The following PEBP4 variants were observed in gnomAD, a reference collection of about 807,000 sequenced individuals.
The protein encoded by PEBP4 is phosphatidylethanolamine binding protein 4, also known as phosphatidylethanolamine-binding protein 4.
In PEBP4, 22 loss-of-function variants were observed where a neutral mutation model predicts 23.9. The ratio of observed to expected loss-of-function variants is 0.92; its 90% CI spans 0.66 to 1.31. The LOEUF (loss-of-function observed/expected upper bound fraction) is 1.31, where lower values mean the gene tolerates loss of function less well. PEBP4 is among the 40% of genes most tolerant of loss of function. PEBP4 has a pLI of 0.00. For missense variants in PEBP4, 324 were observed against 281.7 expected (o/e 1.15, Z -1.07); for synonymous variants, 112 against 99.3 (o/e 1.13, Z -0.76).
chr8:22,720,272 C>G (rs756491527), intron 6 of PEBP4, among the ~76,000 whole-genome samples: 6 of 152,210 alleles, frequency 3.9e-5, no homozygotes, highest in Non-Finnish European at 5.9e-5. Flanking sequence ...GAGATGCCAA[C>G]AGCAGGTTGG....
intron 3 of PEBP4, among the ~76,000 whole-genome samples, chr8:22,851,581 G>A (rs752757411): frequency 1.3e-5 from 2 of 152,134 alleles, no homozygotes; most frequent in East Asian, 1.9e-4. Context: ...CTCATGTTGC[G>A]GTGCTCTCCC....
At chr8:22,778,233 G>A (rs373034614) in intron 4 of PEBP4, among the ~76,000 whole-genome samples, 1 of 152,016 alleles carries the variant, frequency 6.6e-6, no homozygotes, top group South Asian at 2.1e-4. Context: ...CACAGGTAAA[G>A]CAGCAAATGA....
Position 22,717,906 on chromosome 8 carries a change from T to C in PEBP4, c.518-4370A>G, listed in dbSNP as rs111768923. On this transcript the variant is annotated intron_variant, in intron 6 of 6. Transcript: ENST00000256404. ...CTCGTCACGGGACCGGCCACATTGA[T>C]AGAAGCACTGATACCTTTCTGCCGA... 1.7e-3 allele frequency among the ~76,000 whole-genome samples: 254 copies of C among 152,252 alleles called. 1 individual carries two copies. The highest frequency in any genetic ancestry group is 5.7e-3 in the African/African-American group (237 of 41,518).
intron 3 of PEBP4, chr8:22,886,088 T>A (rs1585324684): frequency 6.6e-6 from 1 of 152,230 alleles, no homozygotes; most frequent in East Asian, 1.9e-4. Flanking sequence ...AATGAAACCC[T>A]TACTAGACAA....
At chr8:22,762,308 C>T (rs1449434570) in intron 4 of PEBP4, among the ~76,000 whole-genome samples, 4 of 152,124 alleles carry the variant, frequency 2.6e-5, no homozygotes, top group Non-Finnish European at 5.9e-5. Flanking sequence ...GGCTGAGACT[C>T]CTTGTCCCTC....
chr8:22,909,469 G>C (rs1365970968), intron 3 of PEBP4, among the ~76,000 whole-genome samples: 1 of 152,162 alleles, frequency 6.6e-6, no homozygotes, highest in East Asian at 1.9e-4. Flanking sequence ...AATTTCCTCG[G>C]CTGAATCACT....
chr8:22,723,755 G>T (rs914647708), intron 6 of PEBP4, among the ~76,000 whole-genome samples: 2 of 152,248 alleles, frequency 1.3e-5, no homozygotes, highest in Non-Finnish European at 2.9e-5. Context: ...TTCACTGGTG[G>T]TAAGTTTGCA....
intron 3 of PEBP4, among the ~76,000 whole-genome samples, chr8:22,878,698 CAG>C (rs1013263647): frequency 8.5e-5 from 13 of 152,228 alleles, no homozygotes; most frequent in African/African-American, 2.9e-4. Context: ...GATCTCCAAA[CAG>C]GGGTGCATTC....
intron 3 of PEBP4, among the ~76,000 whole-genome samples, chr8:22,850,111 T>TA (rs1326657715): frequency 6.7e-5 from 10 of 150,248 alleles, no homozygotes; most frequent in African/African-American, 2.5e-4. Context: ...TCCTACTCTT[T>TA]AAGAAAAAAA....
chr8:22,779,144 T>G (rs895053331), intron 4 of PEBP4, among the ~76,000 whole-genome samples: 20 of 151,858 alleles, frequency 1.3e-4, no homozygotes, highest in African/African-American at 4.8e-4. Flanking sequence ...CGTGTGATGG[T>G]GCCCAGAGGA....
chr8:22,856,732 A>T lies in PEBP4; in HGVS notation c.259-38997T>A, dbSNP rs566366738. 2.5e-3 allele frequency among the ~76,000 whole-genome samples: 381 copies of T among 151,882 alleles called. 4 individuals are homozygous for T. The highest frequency in any genetic ancestry group is 8.9e-3 in the African/African-American group (369 of 41,476). ...CTGTCTCTAAATAAATAAATAAATAAATAAATATATAGAAAAATAAAAAAC... is the reference window on the plus strand; with the variant it reads ...CTGTCTCTAAATAAATAAATAAATATATAAATATATAGAAAAATAAAAAAC... On this transcript the variant is annotated intron_variant, in intron 3 of 6. Coordinates refer to ENST00000256404, the MANE Select transcript of PEBP4 (RefSeq NM_144962.3).
At chr8:22,840,032 G>A (rs1807289926) in intron 3 of PEBP4, among the ~76,000 whole-genome samples, 2 of 152,222 alleles carry the variant, frequency 1.3e-5, no homozygotes, top group Admixed American at 1.3e-4. Context: ...CCGGTCTGCT[G>A]TAAATAAGAC....
At chr8:22,900,730 T>C (rs536738305) in intron 3 of PEBP4, among the ~76,000 whole-genome samples, 1 of 152,208 alleles carries the variant, frequency 6.6e-6, no homozygotes, top group Non-Finnish European at 1.5e-5. Flanking sequence ...AAACTTAAGC[T>C]AGTTGGATAC....
chr8:22,759,417 A>G (rs1364455808), intron 4 of PEBP4, among the ~76,000 whole-genome samples: 1 of 151,948 alleles, frequency 6.6e-6, no homozygotes, highest in Non-Finnish European at 1.5e-5. Flanking sequence ...AATGAAAGCA[A>G]CCATGTCCCA....
intron 2 of PEBP4, among the ~76,000 whole-genome samples, chr8:22,925,650 C>T (rs1045669215): frequency 2.2e-4 from 34 of 152,180 alleles, no homozygotes; most frequent in African/African-American, 8.2e-4. Flanking sequence ...CAGGGCAGAG[C>T]CTAGGGCATC....
chr8:22,713,734 C>T (rs534382586), intron 6 of PEBP4, among the ~76,000 whole-genome samples, 198 bp from the exon 7 acceptor site: 1 of 152,350 alleles, frequency 6.6e-6, no homozygotes, highest in South Asian at 2.1e-4. Flanking sequence ...CTCTGAACAG[C>T]AGCAGAGCTG....
intron 3 of PEBP4, among the ~76,000 whole-genome samples, chr8:22,899,706 C>G (rs1273343320): frequency 2.0e-5 from 3 of 152,198 alleles, no homozygotes; most frequent in Admixed American, 6.5e-5. Context: ...TGCCAGGCAT[C>G]TCATCTGCTC....
intron 3 of PEBP4, among the ~76,000 whole-genome samples, chr8:22,822,738 A>G (rs968790374): frequency 6.6e-6 from 1 of 152,120 alleles, no homozygotes. Flanking sequence ...AGTAAGAATG[A>G]GCTTGATGGT....
chr8:22,927,854 G>T lies in PEBP4; in HGVS notation c.-38C>A. ...TTAAGCACAGGGAGAAGGACAGGCA[G>T]CTTCCAGGGCTCCGCAGCTAATCCA... On this transcript the variant is annotated 5_prime_UTR_variant, in exon 1 of 7. In the 5' UTR this introduces an upstream ATG that the reference lacks. Coordinates refer to ENST00000256404, the MANE Select transcript of PEBP4 (RefSeq NM_144962.3). The T allele has an allele frequency of 9.8e-7, 1 of 1,018,922 alleles. No individual in the cohort carries two copies. Among genetic ancestry groups the T allele is most frequent in the Non-Finnish European group, 1.4e-6 (1 of 707,576 alleles). The allele number at this position is 1,018,922 out of a possible 1,614,324, so 63.1% of individuals were successfully genotyped here.
Sources: allele counts gnomAD v4.1 joint callset (sites outside exome capture counted in the v4.1 genomes callset), GRCh38; gene constraint gnomAD v4.1.1; transcripts MANE v1.5; gene names NCBI Gene and HGNC (gene_info 2026-07-23, HGNC 2026-07-21).